DCAF1: variants seen among roughly 807,000 people sequenced by gnomAD.
DCAF1 encodes DDB1- and CUL4-associated factor 1.
Under a neutral mutation model 128.0 loss-of-function variants are expected in DCAF1, and 15 were observed. The observed-to-expected ratio is 0.12, with a 90% CI of 0.08 to 0.18. The LOEUF is 0.18. DCAF1 is among the 10% of genes least tolerant of loss of function. The pLI, the probability that DCAF1 is intolerant of heterozygous loss-of-function variation, is 1.00. For missense variants in DCAF1, 988 were observed against 1,649.5 expected, an observed-to-expected ratio of 0.60 and a Z score of 6.95; for synonymous variants, 610 against 603.0, an observed-to-expected ratio of 1.01 and a Z score of -0.17.
chr3:51,448,279 A>C (rs1168135476), intron 6 of DCAF1, among the ~76,000 whole-genome samples: 1 of 152,100 alleles, frequency 6.6e-6, no homozygotes, highest in Non-Finnish European at 1.5e-5. Flanking sequence ...ATTCTAGTCC[A>C]TGTTTCAACT....
At position 51,469,792 on chromosome 3, in the gene DCAF1, G is replaced by A. The variant is rs576442304; in HGVS notation, c.187+1137C>T. On this transcript the variant is annotated intron_variant, in intron 4 of 24. Coordinates refer to ENST00000684031, the MANE Select transcript of DCAF1 (RefSeq NM_001387579.1). The stretch of plus-strand genomic sequence containing the variant: ...TCCCAGCACTTTGGGAGGTGGAGGC[G>A]GGTGGATCACTTGAGGTCAGGAGTT... Among the ~76,000 whole-genome samples the A allele has an allele frequency of 2.4e-4, 37 of 152,052 alleles. 1 individual carries two copies. In the South Asian group the frequency reaches 6.9e-3, roughly 28 times the overall value.
chr3:51,425,558 TC>T (rs1699830610), intron 13 of DCAF1, among the ~76,000 whole-genome samples: 2 of 95,168 alleles, frequency 2.1e-5, no homozygotes, highest in African/African-American at 7.4e-5. Flanking sequence ...TAAGCTGTCA[TC>T]TTTTTTTTTT....
At chr3:51,449,816 A>G (rs531649270) in intron 6 of DCAF1, among the ~76,000 whole-genome samples, 1 of 152,286 alleles carries the variant, frequency 6.6e-6, no homozygotes, top group Admixed American at 6.5e-5. Flanking sequence ...AGGCCTCATT[A>G]CTACCAACTT....
chr3:51,491,512 A>G (rs1302501292), intron 2 of DCAF1, among the ~76,000 whole-genome samples: 1 of 152,140 alleles, frequency 6.6e-6, no homozygotes, highest in Non-Finnish European at 1.5e-5. Context: ...ATCAATTTTC[A>G]ACAAGGGTAC....
chr3:51,445,203 C>T (rs1353729832), intron 6 of DCAF1, among the ~76,000 whole-genome samples: 1 of 152,032 alleles, frequency 6.6e-6, no homozygotes, highest in Non-Finnish European at 1.5e-5. Flanking sequence ...GAAACAGAAA[C>T]CTCCCATGTG....
At chr3:51,442,838 C>A (rs903955848) in intron 7 of DCAF1, among the ~76,000 whole-genome samples, 1 of 152,080 alleles carries the variant, frequency 6.6e-6, no homozygotes, top group Non-Finnish European at 1.5e-5. Context: ...GAAAAGAAAA[C>A]TAAACACCGC....
intron 3 of DCAF1, among the ~76,000 whole-genome samples, chr3:51,481,126 G>T (rs1177719547): frequency 3.9e-5 from 6 of 152,192 alleles, no homozygotes; most frequent in Admixed American, 3.9e-4. Flanking sequence ...TTTATGCATT[G>T]ATTTCTTACT....
At chr3:51,410,813 G>A (rs1184598459) in intron 23 of DCAF1, among the ~76,000 whole-genome samples, 1 of 152,212 alleles carries the variant, frequency 6.6e-6, no homozygotes. Context: ...ACTTTCCCCG[G>A]TCCTGTGATG....
upstream of DCAF1, among the ~76,000 whole-genome samples, chr3:51,500,334 G>A (rs1237282991): frequency 6.6e-6 from 1 of 151,926 alleles, no homozygotes; most frequent in Non-Finnish European, 1.5e-5. Context: ...GAAAAGTGAG[G>A]GAGCCAATCC....
At chr3:51,396,110 G>A, downstream of DCAF1, 1 of 409,178 alleles carries the variant, frequency 2.4e-6, no homozygotes. Context: ...ATGTTGTTAA[G>A]TCCAAAACTT....
rs535208776 is a variant in DCAF1 at position 51,418,708 on chromosome 3, G to A, written c.3405C>T (p.Asn1135=). ...AAGGTTCAAGATGTGTGATGGCTGA[G>A]TTGTGACAGTTATAGCTGGCCTCCT... The part of the protein sequence containing the change: ...GQEEASYNCH[N]SAITHLEPSR... Residue 1135 remains asparagine, a synonymous_variant, in exon 16 of 25, where the codon AAC becomes AAT. Transcript: ENST00000684031. 3 of 1,613,704 alleles carry A rather than the reference G, an allele frequency of 1.9e-6. No homozygotes were observed. In the African/African-American group the frequency reaches 4.0e-5, roughly 22 times the overall value.
At chr3:51,474,832 T>C (rs1577268020) in intron 3 of DCAF1, among the ~76,000 whole-genome samples, 2 of 148,606 alleles carry the variant, frequency 1.3e-5, no homozygotes, top group South Asian at 4.3e-4. Flanking sequence ...TCGCCCAGGC[T>C]GGAGTACAGT....
intron 2 of DCAF1, among the ~76,000 whole-genome samples, chr3:51,493,301 C>T (rs1438207969): frequency 6.6e-6 from 1 of 151,842 alleles, no homozygotes; most frequent in Non-Finnish European, 1.5e-5. Flanking sequence ...CAAAATTAAC[C>T]AGGCATGGTG....
chr3:51,428,906 G>A (rs1700138726), intron 12 of DCAF1, among the ~76,000 whole-genome samples: 1 of 152,086 alleles, frequency 6.6e-6, no homozygotes, highest in Non-Finnish European at 1.5e-5. Context: ...GGTTGAGGTG[G>A]GAGGATCACC....
intron 1 of DCAF1, among the ~76,000 whole-genome samples, chr3:51,498,882 G>A (rs1708526902): frequency 6.6e-6 from 1 of 152,074 alleles, no homozygotes; most frequent in South Asian, 2.1e-4. Flanking sequence ...AATGCAGGAT[G>A]ATATTACCAA....
At chr3:51,449,471 C>T (rs1702157431) in intron 6 of DCAF1, among the ~76,000 whole-genome samples, 1 of 152,232 alleles carries the variant, frequency 6.6e-6, no homozygotes, top group Non-Finnish European at 1.5e-5. Context: ...CCTCCCAAAG[C>T]ACTGGGATTA....
intron 2 of DCAF1, among the ~76,000 whole-genome samples, chr3:51,492,328 A>G (rs1289433784): frequency 6.6e-6 from 1 of 151,948 alleles, no homozygotes; most frequent in African/African-American, 2.4e-5. Flanking sequence ...AGTATGGCCA[A>G]CAAGTTGAAA....
chr3:51,498,834 A>G (rs1393805836), intron 1 of DCAF1, among the ~76,000 whole-genome samples: 2 of 152,222 alleles, frequency 1.3e-5, no homozygotes, highest in Non-Finnish European at 2.9e-5. Flanking sequence ...ACATTTACAT[A>G]AACATTAAAG....
chr3:51,399,051 T>C (rs2089443140), intron 24 of DCAF1, among the ~76,000 whole-genome samples: 1 of 152,272 alleles, frequency 6.6e-6, no homozygotes, highest in African/African-American at 2.4e-5. Flanking sequence ...CCTAAGGGCC[T>C]GGACACAGTT....
Sources: allele counts gnomAD v4.1 joint callset (sites outside exome capture counted in the v4.1 genomes callset), GRCh38; gene constraint gnomAD v4.1.1; transcripts MANE v1.5; gene names NCBI Gene and HGNC (gene_info 2026-07-23, HGNC 2026-07-21).